MALT1: variants seen among roughly 807,000 people sequenced by gnomAD.
MALT1 encodes MALT1 paracaspase.
In MALT1, 36 loss-of-function variants were observed where a neutral mutation model predicts 85.5. That is an observed-to-expected ratio of 0.42 (90% CI 0.32 to 0.56). The LOEUF is 0.56. Among genes scored for constraint, MALT1 ranks in the 20% least tolerant of loss-of-function variants. The pLI, the probability that MALT1 is intolerant of heterozygous loss-of-function variation, is 0.10. For synonymous variants in MALT1, 359 were observed against 361.3 expected (o/e 0.99, Z 0.07); for missense variants, 716 against 981.6 (o/e 0.73, Z 3.62).
At chr18:58,701,371 C>G (rs1307814413) in intron 4 of MALT1, among the ~76,000 whole-genome samples, 1 of 152,162 alleles carries the variant, frequency 6.6e-6, no homozygotes, top group Non-Finnish European at 1.5e-5. Flanking sequence ...TCTTGAATAC[C>G]TTTTCTGTCT....
intron 1 of MALT1, among the ~76,000 whole-genome samples, chr18:58,674,846 T>C (rs1238366159): frequency 6.6e-6 from 1 of 152,212 alleles, no homozygotes; most frequent in Non-Finnish European, 1.5e-5. Context: ...TGTTGCCCAT[T>C]CTGTTTCTTT....
At chr18:58,687,586 G>A (rs2054424151) in intron 2 of MALT1, among the ~76,000 whole-genome samples, 1 of 152,194 alleles carries the variant, frequency 6.6e-6, no homozygotes, top group South Asian at 2.1e-4. Context: ...TAACTTTGAG[G>A]ACAAGTTTTA....
intron 15 of MALT1, 147 bp downstream of exon 15, chr18:58,744,642 A>T: frequency 3.1e-6 from 1 of 324,018 alleles, no homozygotes; most frequent in South Asian, 1.2e-4. Context: ...AACACTGATC[A>T]TAATATTTAC....
chr18:58,722,485 T>C (rs897463048), intron 9 of MALT1, among the ~76,000 whole-genome samples: 9 of 152,218 alleles, frequency 5.9e-5, no homozygotes, highest in Admixed American at 5.2e-4. Context: ...TAAAAGATGC[T>C]AAGAGGAGAC....
intron 14 of MALT1, 29 bp downstream of exon 14, chr18:58,742,043 C>A: frequency 2.1e-6 from 3 of 1,430,612 alleles, no homozygotes; most frequent in Non-Finnish European, 2.8e-6. Flanking sequence ...TTTGTTAGAT[C>A]TACAATATAC....
chr18:58,683,246 T>C (rs2054349329), intron 2 of MALT1, among the ~76,000 whole-genome samples: 1 of 152,242 alleles, frequency 6.6e-6, no homozygotes. Context: ...TCTCATACTT[T>C]ATTGAATACC....
chr18:58,681,408 C>A, intron 2 of MALT1, 72 bp downstream of exon 2: 1 of 1,409,234 alleles, frequency 7.1e-7, no homozygotes, highest in Non-Finnish European at 9.7e-7. Flanking sequence ...TCTCTTTTGA[C>A]CAGGTGAACT....
Position 58,752,229 on chromosome 18 carries a change from C to T in MALT1, c.*4387C>T, listed in dbSNP as rs2055455824. ...GCCCATGCTGGTCTCAAACACCTGT[C>T]TTCAAGTGATCCTCCTGCCTCAGCA... On this transcript the variant is annotated 3_prime_UTR_variant, in exon 17 of 17. Transcript: ENST00000649217. 1 of 152,156 alleles carries T rather than the reference C, an allele frequency of 6.6e-6. No homozygotes were observed. Among genetic ancestry groups the T allele is most frequent in the Non-Finnish European group, 1.5e-5 (1 of 68,024 alleles). 9.4% of individuals were successfully genotyped at this position (152,156 alleles called of 1,614,324 possible).
At chr18:58,692,429 T>TCTCTCTCA (rs1229959850) in intron 2 of MALT1, among the ~76,000 whole-genome samples, 4 of 79,906 alleles carry the variant, frequency 5.0e-5, no homozygotes, top group South Asian at 4.0e-4. Context: ...TCTCTCTCTC[T>TCTCTCTCA]CTCTCTCACT....
chr18:58,683,671 A>T (rs2054355757), intron 2 of MALT1, among the ~76,000 whole-genome samples: 1 of 152,236 alleles, frequency 6.6e-6, no homozygotes, highest in Non-Finnish European at 1.5e-5. Flanking sequence ...CCTAATAAAC[A>T]TTAGTAATCT....
At chr18:58,685,499 A>G (rs769326448) in intron 2 of MALT1, among the ~76,000 whole-genome samples, 1 of 152,216 alleles carries the variant, frequency 6.6e-6, no homozygotes, top group Non-Finnish European at 1.5e-5. Context: ...TTTGGTGCCC[A>G]GAAATAGCTA....
chr18:58,705,377 G>A (rs1378492953), intron 4 of MALT1, among the ~76,000 whole-genome samples: 1 of 150,934 alleles, frequency 6.6e-6, no homozygotes, highest in Non-Finnish European at 1.5e-5. Context: ...ACATTGCGCA[G>A]GTTAGTTACA....
intron 7 of MALT1, among the ~76,000 whole-genome samples, chr18:58,713,468 TCA>T (rs2054859724): frequency 6.6e-6 from 1 of 151,950 alleles, no homozygotes; most frequent in African/African-American, 2.4e-5. Context: ...CTCAAAACCG[TCA>T]GTGTCATCAC....
In MALT1 at chr18:58,714,097, C is replaced by T. The variant is rs1307427626; in HGVS notation, c.973C>T (p.Leu325Phe). 1 of 1,266,110 alleles carries T rather than the reference C, an allele frequency of 7.9e-7. No individual in the cohort carries two copies. The highest frequency in any genetic ancestry group is 1.2e-5 in the South Asian group (1 of 80,798). 78.4% of individuals were successfully genotyped at this position (1,266,110 alleles called of 1,614,324 possible). A position where few individuals can be genotyped will look rare whatever the true frequency, so the allele number is the denominator to read the frequency against. The change falls in exon 8 of 17, where the codon CTT becomes TTT. Residue 325 changes from leucine (L) to phenylalanine (F), a missense_variant. Leu to Phe is a conservative substitution (Grantham distance 22). Transcript: ENST00000649217. Reference sequence around the variant, plus strand: ...CTTTGTTTTAGATGAATTAAATAATCTTGGTCATCCTGGTGAGTAATACAA... The same window carrying T: ...CTTTGTTTTAGATGAATTAAATAATTTTGGTCATCCTGGTGAGTAATACAA... ...VECTEDELNN[L>F]GHPDNKEQTT...
chr18:58,721,896 G>C (rs1436492690), intron 9 of MALT1, among the ~76,000 whole-genome samples: 2 of 152,186 alleles, frequency 1.3e-5, no homozygotes, highest in East Asian at 3.8e-4. Flanking sequence ...TGCGTCAGAG[G>C]GGGTGGCCTG....
chr18:58,727,386 C>T (rs2055071484), intron 10 of MALT1, among the ~76,000 whole-genome samples: 1 of 152,182 alleles, frequency 6.6e-6, no homozygotes. Flanking sequence ...TCACGGCAAC[C>T]TCTGCCTCCT....
chr18:58,716,987 A>T (rs1177167229), intron 9 of MALT1, among the ~76,000 whole-genome samples: 1 of 152,190 alleles, frequency 6.6e-6, no homozygotes, highest in Admixed American at 6.5e-5. Flanking sequence ...TGGTGAACAG[A>T]TAGATTTATT....
intron 1 of MALT1, among the ~76,000 whole-genome samples, chr18:58,676,772 T>C (rs963539545): frequency 6.6e-6 from 1 of 152,210 alleles, no homozygotes; most frequent in African/African-American, 2.4e-5. Context: ...AGATACAGAA[T>C]TTTGTTTTGT....
At chr18:58,713,075 G>A (rs2054852927) in intron 7 of MALT1, among the ~76,000 whole-genome samples, 1 of 151,918 alleles carries the variant, frequency 6.6e-6, no homozygotes, top group Non-Finnish European at 1.5e-5. Flanking sequence ...TAAGTAACTG[G>A]GAATGAGTTG....
Sources: gnomAD v4.1 joint callset for allele counts (sites outside exome capture counted in the v4.1 genomes callset) on GRCh38, gnomAD v4.1.1 for gene constraint, MANE v1.5 for transcripts, NCBI Gene and HGNC (gene_info 2026-07-23, HGNC 2026-07-21) for gene names.